APAF1: variants seen among roughly 807,000 people sequenced by gnomAD.
The protein encoded by APAF1 is apoptotic protease-activating factor 1.
A neutral mutation model predicts 152.4 loss-of-function variants in APAF1; 91 were observed. The observed-to-expected ratio is 0.60, with a 90% confidence interval of 0.50 to 0.71. The LOEUF is 0.71. Ranked by LOEUF, APAF1 falls within the 30% of genes least tolerant of loss-of-function variation. APAF1 has a pLI of 0.00. For synonymous variants in APAF1, 484 were observed against 494.1 expected (o/e 0.98, Z 0.27); for missense variants, 1,283 against 1,472.0 (o/e 0.87, Z 2.10).
intron 21 of APAF1, among the ~76,000 whole-genome samples, 179 bp from the exon 22 acceptor site, chr12:98,715,234 GCATATATATATATA>G (rs1565890451): frequency 5.1e-5 from 3 of 58,326 alleles, no homozygotes; most frequent in African/African-American, 8.0e-5. Context: ...TACATGGTGT[GCATATATATATATA>G]TATATATATA....
chr12:98,703,302 G>A, intron 17 of APAF1, 69 bp from the exon 18 acceptor site: 1 of 1,544,168 alleles, frequency 6.5e-7, no homozygotes, highest in East Asian at 2.3e-5. Flanking sequence ...ATTTGAAATG[G>A]GAGGATATTA....
intron 1 of APAF1, among the ~76,000 whole-genome samples, chr12:98,647,553 G>A (rs1841927942): frequency 1.3e-5 from 2 of 151,850 alleles, no homozygotes. Context: ...TGTATTTTTA[G>A]TAGAGACAGG....
chr12:98,668,191 A>AT (rs1450131078), intron 10 of APAF1, among the ~76,000 whole-genome samples: 1 of 152,034 alleles, frequency 6.6e-6, no homozygotes, highest in East Asian at 1.9e-4. Flanking sequence ...TATTAGTATA[A>AT]TTTTTTATTA....
intron 4 of APAF1, among the ~76,000 whole-genome samples, chr12:98,655,480 C>A (rs566220586): frequency 1.3e-5 from 2 of 151,932 alleles, no homozygotes; most frequent in African/African-American, 4.8e-5. Flanking sequence ...ACCTCCCTCC[C>A]GGACGGGGCG....
chr12:98,684,416 C>T (rs2097695736), intron 15 of APAF1, among the ~76,000 whole-genome samples: 1 of 150,872 alleles, frequency 6.6e-6, no homozygotes. Flanking sequence ...ATCCCTTTCC[C>T]TTCCTGTCAC....
Position 98,677,480 on chromosome 12 carries a change from G to A in APAF1, c.1849G>A (p.Ala617Thr). Residue 617 changes from alanine (A) to threonine (T), a missense_variant, in exon 13 of 27, where the codon GCT becomes ACT. By Grantham distance (58) the Ala-to-Thr change is moderately conservative. Coordinates refer to ENST00000551964, the MANE Select transcript of APAF1 (RefSeq NM_181861.2). Reference protein sequence around the residue: ...SRLVVRPHTDAVYHACFSEDG... With the variant: ...SRLVVRPHTDTVYHACFSEDG... The stretch of plus-strand genomic sequence containing the variant: ...CTTAGTTGTCCGCCCCCACACAGAT[G>A]CTGTTTACCATGCCTGCTTTTCTGA... 2 of 1,614,102 alleles carry A rather than the reference G, an allele frequency of 1.2e-6. No homozygotes were observed. Among genetic ancestry groups the A allele is most frequent in the East Asian group, 4.5e-5 (2 of 44,882 alleles).
chr12:98,696,476 A>G (rs1593079825), intron 16 of APAF1, among the ~76,000 whole-genome samples: 1 of 152,180 alleles, frequency 6.6e-6, no homozygotes, highest in South Asian at 2.1e-4. Context: ...ATCAAGCCCT[A>G]CTTCCCAACA....
At position 98,692,334 on chromosome 12, in the gene APAF1, C is replaced by T. The variant is rs180763828; in HGVS notation, c.2304+5461C>T. 2.4e-3 allele frequency among the ~76,000 whole-genome samples: 368 copies of T among 152,264 alleles called. 3 individuals carry two copies. The highest frequency in any genetic ancestry group is 8.4e-3 in the African/African-American group (349 of 41,546). ...TCCTGACCTCGTGATCCGCCTGCCT[C>T]GGCCTCCCAAAGTGCTGGGATTACA... is the stretch of plus-strand genomic sequence containing the variant. On this transcript the variant is annotated intron_variant, in intron 16 of 26. Coordinates refer to ENST00000551964, the MANE Select transcript of APAF1 (RefSeq NM_181861.2).
At chr12:98,680,247 A>G (rs749508732) in intron 13 of APAF1, 30 bp from the exon 14 acceptor site, 2 of 1,546,554 alleles carry the variant, frequency 1.3e-6, no homozygotes, top group Non-Finnish European at 1.7e-6. Flanking sequence ...GCAGTTTATT[A>G]TAAAAAATAT....
chr12:98,728,010 G>T (rs1565897427), intron 26 of APAF1, among the ~76,000 whole-genome samples: 1 of 149,400 alleles, frequency 6.7e-6, no homozygotes, highest in Non-Finnish European at 1.5e-5. Flanking sequence ...AAAAGGAAAA[G>T]AAAAAAAAAG....
At position 98,723,527 on chromosome 12, in the gene APAF1, C is replaced by T. The variant is rs2097746028; in HGVS notation, c.3205-112C>T. On this transcript the variant is annotated intron_variant, in intron 23 of 26. Transcript: ENST00000551964. ...ATTTAAAGTAAAGGGGTCAGAACAG[C>T]CAGTGTATTAAAACTCTTGTTTTAT... 3 of 1,090,382 alleles carry T rather than the reference C, an allele frequency of 2.8e-6. No individual in the cohort carries two copies. In the Admixed American group the frequency reaches 6.1e-5, roughly 22 times the overall value. The allele number at this position is 1,090,382 out of a possible 1,614,324, so 67.5% of individuals were successfully genotyped here.
At chr12:98,711,586 T>C (rs1274659164) in intron 20 of APAF1, among the ~76,000 whole-genome samples, 1 of 152,224 alleles carries the variant, frequency 6.6e-6, no homozygotes, top group Non-Finnish European at 1.5e-5. Context: ...CTATTTCATG[T>C]TGAAAAATAA....
chr12:98,692,580 G>T (rs2097705516), intron 16 of APAF1, among the ~76,000 whole-genome samples: 1 of 152,080 alleles, frequency 6.6e-6, no homozygotes, highest in Non-Finnish European at 1.5e-5. Context: ...AGCATTTATT[G>T]TTCTTATCTT....
intron 13 of APAF1, 115 bp downstream of exon 13, chr12:98,677,666 A>G: frequency 2.5e-6 from 3 of 1,206,028 alleles, no homozygotes; most frequent in Middle Eastern, 2.0e-4. Flanking sequence ...TAACAGAGGA[A>G]TCCAGCTCTC....
At chr12:98,721,432 C>T (rs1191028220) in intron 22 of APAF1, among the ~76,000 whole-genome samples, 4 of 152,174 alleles carry the variant, frequency 2.6e-5, no homozygotes, top group African/African-American at 9.7e-5. Context: ...ATTGATCCTC[C>T]AGTCCAGTGA....
chr12:98,717,916 C>T (rs896550620), intron 22 of APAF1, among the ~76,000 whole-genome samples: 1 of 152,056 alleles, frequency 6.6e-6, no homozygotes, highest in African/African-American at 2.4e-5. Context: ...ATCTTCAGGT[C>T]TTTTGTCTTG....
chr12:98,715,142 A>T (rs2097732699), intron 21 of APAF1, among the ~76,000 whole-genome samples: 1 of 144,520 alleles, frequency 6.9e-6, no homozygotes, highest in Non-Finnish European at 1.5e-5. Flanking sequence ...TTGAGTACTC[A>T]GAAGGACCAC....
chr12:98,676,707 C>G (rs572989063), intron 12 of APAF1, among the ~76,000 whole-genome samples: 2 of 143,040 alleles, frequency 1.4e-5, no homozygotes, highest in African/African-American at 2.6e-5. Flanking sequence ...AGTGCAGTGG[C>G]GCGATCTTGG....
intron 21 of APAF1, among the ~76,000 whole-genome samples, chr12:98,714,244 C>A (rs956880047): frequency 1.3e-5 from 2 of 152,190 alleles, no homozygotes; most frequent in Admixed American, 6.5e-5. Context: ...AATAAACTCA[C>A]AACACACATA....
Sources: allele counts gnomAD v4.1 joint callset (sites outside exome capture counted in the v4.1 genomes callset), GRCh38; gene constraint gnomAD v4.1.1; transcripts MANE v1.5; gene names NCBI Gene and HGNC (gene_info 2026-07-23, HGNC 2026-07-21).